FOXP2: variants seen among roughly 807,000 people sequenced by gnomAD.
FOXP2 encodes forkhead box protein P2.
A neutral mutation model predicts 115.8 loss-of-function variants in FOXP2; 12 were observed. The observed-to-expected ratio is 0.10, with a 90% CI of 0.07 to 0.17. The LOEUF is 0.17. FOXP2 is among the 10% of genes least tolerant of loss of function. FOXP2 has a pLI of 1.00. For synonymous variants in FOXP2, 328 were observed against 297.7 expected (o/e 1.10, Z -1.05); for missense variants, 629 against 843.5 (o/e 0.75, Z 3.15).
Position 114,693,332 on chromosome 7 carries a change from C to T in FOXP2, c.*3406C>T, listed in dbSNP as rs944778407. 1 of 453,574 alleles carries T rather than the reference C, an allele frequency of 2.2e-6. No individual in the cohort carries two copies. Among genetic ancestry groups the T allele is most frequent in the Non-Finnish European group, 4.4e-6 (1 of 226,560 alleles). 28.1% of individuals were successfully genotyped at this position (453,574 alleles called of 1,614,324 possible). A position where few individuals can be genotyped will look rare whatever the true frequency, so the allele number is the denominator to read the frequency against. On this transcript the variant is annotated 3_prime_UTR_variant, in exon 17 of 17. Transcript: ENST00000350908. ...GAAGAATAGTCAGCTAGGAATAGAG[C>T]TACAGAAGTACACTTACATAAACCA...
intron 1 of FOXP2, among the ~76,000 whole-genome samples, chr7:114,090,236 A>T (rs1799515178): frequency 1.3e-5 from 2 of 151,988 alleles, no homozygotes; most frequent in African/African-American, 4.8e-5. Context: ...TTTTCTCAAC[A>T]TGATTGTTAA....
At chr7:114,298,542 A>G (rs1251448250) in intron 2 of FOXP2, among the ~76,000 whole-genome samples, 1 of 152,224 alleles carries the variant, frequency 6.6e-6, no homozygotes, top group Non-Finnish European at 1.5e-5. Flanking sequence ...CCAATCTAAT[A>G]GTTACATACT....
chr7:114,588,190 G>T (rs1283619595), intron 3 of FOXP2, among the ~76,000 whole-genome samples: 1 of 151,774 alleles, frequency 6.6e-6, no homozygotes, highest in Non-Finnish European at 1.5e-5. Context: ...GGTGCCTGTA[G>T]TCCCAACTTG....
intron 2 of FOXP2, among the ~76,000 whole-genome samples, chr7:114,405,757 T>C (rs1793021223): frequency 6.6e-6 from 1 of 151,940 alleles, no homozygotes; most frequent in African/African-American, 2.4e-5. Flanking sequence ...TCGTTAGTAT[T>C]TAATAGAAAA....
chr7:114,327,011 T>C (rs886675140), intron 2 of FOXP2, among the ~76,000 whole-genome samples: 1 of 152,180 alleles, frequency 6.6e-6, no homozygotes, highest in Non-Finnish European at 1.5e-5. Flanking sequence ...GCTTTGTTAA[T>C]AACCTTTCAT....
At chr7:114,658,371 A>T in intron 11 of FOXP2, 104 bp downstream of exon 11, 1 of 1,150,674 alleles carries the variant, frequency 8.7e-7, no homozygotes, top group Non-Finnish European at 1.3e-6. Context: ...AACTCATGTC[A>T]TGATTTATGG....
At chr7:114,688,377 A>G (rs1010797092) in intron 16 of FOXP2, among the ~76,000 whole-genome samples, 2 of 152,222 alleles carry the variant, frequency 1.3e-5, no homozygotes, top group Middle Eastern at 3.4e-3. Flanking sequence ...GAGTTTCCCA[A>G]TAAGGTTTGA....
chr7:114,240,699 A>C (rs928813848), intron 1 of FOXP2, among the ~76,000 whole-genome samples: 1 of 150,118 alleles, frequency 6.7e-6, no homozygotes, highest in African/African-American at 2.4e-5. Flanking sequence ...AAATATTTTC[A>C]AAAAAAAACC....
At chr7:114,161,493 A>C (rs529178003), upstream of FOXP2, among the ~76,000 whole-genome samples, 4 of 151,528 alleles carry the variant, frequency 2.6e-5, no homozygotes, top group African/African-American at 9.7e-5. Context: ...AGCTATTCTG[A>C]TATAGATGTT....
chr7:114,645,173 T>C (rs1489852018), intron 8 of FOXP2: 1 of 127,614 alleles, frequency 7.8e-6, no homozygotes, highest in Admixed American at 8.0e-5. Flanking sequence ...TATATATATA[T>C]ATATATTTCA....
chr7:114,483,117 C>CA (rs1258717694), intron 2 of FOXP2, among the ~76,000 whole-genome samples: 3 of 150,866 alleles, frequency 2.0e-5, no homozygotes, highest in Admixed American at 2.0e-4. Flanking sequence ...TGTTTCTTTT[C>CA]TTTTTTTTTC....
chr7:114,532,345 T>C (rs1205388308), intron 2 of FOXP2, among the ~76,000 whole-genome samples: 1 of 151,932 alleles, frequency 6.6e-6, no homozygotes, highest in African/African-American at 2.4e-5. Context: ...CCATGTAAAG[T>C]CTGAAAAATG....
At chr7:114,264,006 C>T (rs11771168) in intron 1 of FOXP2, among the ~76,000 whole-genome samples, 34,028 of 151,850 alleles carry the variant, frequency 0.22, 4,250 homozygotes, top group South Asian at 0.45. Flanking sequence ...CTAGCTTTGC[C>T]TGTTTAGCTT....
In FOXP2 at chr7:114,690,892, A is replaced by G. The variant is rs1196699393; in HGVS notation, c.*966A>G. ...TTCTGATGACCTCTGGGATCTTTTC[A>G]TTTAGCCCTAAACAAAGAAACAAAT... On this transcript the variant is annotated 3_prime_UTR_variant, in exon 17 of 17. Coordinates refer to ENST00000350908, the MANE Select transcript of FOXP2 (RefSeq NM_014491.4). 1 of 454,386 alleles carries G rather than the reference A, an allele frequency of 2.2e-6. No individual in the cohort carries two copies. Among genetic ancestry groups the G allele is most frequent in the East Asian group, 6.9e-5 (1 of 14,410 alleles). The allele number at this position is 454,386 out of a possible 1,614,324, so 28.1% of individuals were successfully genotyped here.
Position 114,640,173 on chromosome 7 carries a change from A to T in FOXP2, c.776-2237A>T, listed in dbSNP as rs145590105. On this transcript the variant is annotated intron_variant, in intron 6 of 16. Coordinates refer to ENST00000350908, the MANE Select transcript of FOXP2 (RefSeq NM_014491.4). Reference sequence around the variant, plus strand: ...AAGTTTTCCTGTTGGGACACCTAACATACACCAACAGATAATCAAAATTTA... The same window carrying T: ...AAGTTTTCCTGTTGGGACACCTAACTTACACCAACAGATAATCAAAATTTA... 6.2e-3 allele frequency among the ~76,000 whole-genome samples: 944 copies of T among 152,340 alleles called. 8 individuals are homozygous for T. The highest frequency in any genetic ancestry group is 0.021 in the African/African-American group (874 of 41,574).
chr7:114,312,548 G>A (rs1176068963), intron 2 of FOXP2, among the ~76,000 whole-genome samples: 2 of 152,098 alleles, frequency 1.3e-5, no homozygotes, highest in Admixed American at 1.3e-4. Context: ...AACCTGTTGG[G>A]TTTAGGGTAT....
intron 7 of FOXP2, 104 bp downstream of exon 7, chr7:114,642,727 G>C (rs1165764457): frequency 1.3e-6 from 1 of 772,802 alleles, no homozygotes; most frequent in Non-Finnish European, 2.1e-6. Context: ...AGGACAAAAT[G>C]TATAGAACAA....
At chr7:114,334,320 A>C (rs1032465394) in intron 2 of FOXP2, among the ~76,000 whole-genome samples, 2 of 151,964 alleles carry the variant, frequency 1.3e-5, no homozygotes, top group Admixed American at 1.3e-4. Context: ...GTGTAATTTC[A>C]TATTTGTTTG....
intron 2 of FOXP2, chr7:114,499,031 G>A (rs1242737772): frequency 1.4e-6 from 1 of 700,264 alleles, no homozygotes; most frequent in Non-Finnish European, 2.6e-6. Context: ...CACATTCTCA[G>A]GCCACTCCCT....
Sources: allele counts gnomAD v4.1 joint callset (sites outside exome capture counted in the v4.1 genomes callset), GRCh38; gene constraint gnomAD v4.1.1; transcripts MANE v1.5; gene names NCBI Gene and HGNC (gene_info 2026-07-23, HGNC 2026-07-21).